Variants in NCKAP5 observed in about 807,000 individuals in gnomAD.
NCKAP5 encodes the protein nck-associated protein 5.
Under a neutral mutation model 167.0 loss-of-function variants are expected in NCKAP5, and 92 were observed. The observed-to-expected ratio is 0.55, with a 90% CI of 0.47 to 0.66. NCKAP5 has a LOEUF of 0.66. NCKAP5 is among the 30% of genes least tolerant of loss of function. The pLI is 0.00. For missense variants in NCKAP5, 2,378 were observed against 2,315.0 expected (o/e 1.03, Z -0.56); for synonymous variants, 891 against 877.4 (o/e 1.02, Z -0.27).
chr2:132,684,223 A>G (rs1000609541), intron 19 of NCKAP5, among the ~76,000 whole-genome samples: 2 of 152,248 alleles, frequency 1.3e-5, no homozygotes, highest in African/African-American at 4.8e-5. Context: ...TCTGCCCTGC[A>G]TGGCTGTGTA....
intron 8 of NCKAP5, chr2:132,930,534 A>T (rs1316452212): frequency 6.6e-6 from 1 of 152,186 alleles, no homozygotes; most frequent in Non-Finnish European, 1.5e-5. Flanking sequence ...CTTCTGCAGA[A>T]AGGCATAGGA....
At chr2:133,188,544 C>G (rs189483921) in intron 5 of NCKAP5, among the ~76,000 whole-genome samples, 75 of 152,218 alleles carry the variant, frequency 4.9e-4, no homozygotes, top group African/African-American at 1.8e-3. Context: ...GTAAAGGACT[C>G]CTCAACAAAT....
Position 133,397,548 on chromosome 2 carries a change from C to A in NCKAP5, c.70-94438G>T, listed in dbSNP as rs191985717. Among the ~76,000 whole-genome samples the A allele has an allele frequency of 2.6e-3, 389 of 152,282 alleles. 1 individual carries two copies. Among genetic ancestry groups the A allele is most frequent in the African/African-American group, 9.0e-3 (372 of 41,560 alleles). On this transcript the variant is annotated intron_variant, in intron 3 of 19. Coordinates refer to ENST00000409261, the MANE Select transcript of NCKAP5 (RefSeq NM_207363.3). ...ACTGTCTACTACCATATGCTTGTTG[C>A]CTCTGTTATCTTTATTCTCAAAACC...
intron 2 of NCKAP5, among the ~76,000 whole-genome samples, chr2:133,552,718 A>G (rs1298333029): frequency 1.4e-5 from 2 of 147,330 alleles, no homozygotes; most frequent in African/African-American, 5.0e-5. Flanking sequence ...CACAATGTGC[A>G]CATGTACCCT....
intron 2 of NCKAP5, among the ~76,000 whole-genome samples, chr2:133,536,335 A>C (rs1685765165): frequency 6.6e-6 from 1 of 152,136 alleles, no homozygotes; most frequent in Non-Finnish European, 1.5e-5. Context: ...GTAGGGGTCC[A>C]GTTTCATTCT....
chr2:133,341,919 T>C (rs1354827683), intron 3 of NCKAP5, among the ~76,000 whole-genome samples: 2 of 152,302 alleles, frequency 1.3e-5, no homozygotes, highest in South Asian at 2.1e-4. Context: ...GACTAATGAA[T>C]AGAATTTTAA....
At chr2:133,353,510 G>A (rs1034787168) in intron 3 of NCKAP5, among the ~76,000 whole-genome samples, 1 of 152,130 alleles carries the variant, frequency 6.6e-6, no homozygotes, top group Non-Finnish European at 1.5e-5. Context: ...GGGTAGAAGA[G>A]GGTGGTTCCC....
chr2:133,282,855 C>G (rs1281532512), intron 4 of NCKAP5, among the ~76,000 whole-genome samples: 2 of 152,150 alleles, frequency 1.3e-5, no homozygotes, highest in Non-Finnish European at 2.9e-5. Context: ...TGGTTCATTC[C>G]TACCAGAATT....
chr2:133,667,211 A>G, the NCKAP5 span, among the ~76,000 whole-genome samples: 747 of 151,930 alleles, frequency 4.9e-3, 6 homozygotes, highest in Non-Finnish European at 8.9e-3. Context: ...TGAAATGAGA[A>G]CATGTTCCAA....
At chr2:133,619,573 TC>T in the NCKAP5 span, among the ~76,000 whole-genome samples, 1 of 151,948 alleles carries the variant, frequency 6.6e-6, no homozygotes. Context: ...GAACAAAGCC[TC>T]CAAGAAGCTT....
intron 5 of NCKAP5, among the ~76,000 whole-genome samples, chr2:133,190,291 A>G (rs577718230): frequency 2.2e-4 from 33 of 152,350 alleles, no homozygotes; most frequent in African/African-American, 7.9e-4. Flanking sequence ...AAACAAATGG[A>G]AGAACATTCC....
intron 19 of NCKAP5, among the ~76,000 whole-genome samples, chr2:132,680,489 T>C (rs887199768): frequency 1.3e-5 from 2 of 151,928 alleles, no homozygotes; most frequent in Non-Finnish European, 2.9e-5. Flanking sequence ...AGGGGGGAAA[T>C]AAACTCACTT....
upstream of NCKAP5, among the ~76,000 whole-genome samples, chr2:133,568,951 C>T (rs1023023850): frequency 3.3e-5 from 5 of 152,152 alleles, no homozygotes; most frequent in African/African-American, 9.7e-5. Flanking sequence ...TCTAGTGTCT[C>T]AGCTTGGAGT....
At chr2:133,598,551 A>G in the NCKAP5 span, among the ~76,000 whole-genome samples, 1 of 152,174 alleles carries the variant, frequency 6.6e-6, no homozygotes, top group African/African-American at 2.4e-5. Context: ...ATGGACAGGA[A>G]ATGGAGCCCA....
chr2:133,517,374 C>T (rs1684088858), intron 3 of NCKAP5, 84 bp downstream of exon 3: 1 of 631,022 alleles, frequency 1.6e-6, no homozygotes, highest in Non-Finnish European at 2.5e-6. Context: ...GTTTCAAAAG[C>T]ACAGCGTTCA....
intron 3 of NCKAP5, among the ~76,000 whole-genome samples, chr2:133,351,335 G>A (rs1684345414): frequency 1.3e-5 from 2 of 152,172 alleles, no homozygotes; most frequent in African/African-American, 2.4e-5. Context: ...GCCCAAGTGT[G>A]AAACTTGGTA....
intron 19 of NCKAP5, among the ~76,000 whole-genome samples, chr2:132,703,498 T>G (rs1428582529): frequency 6.6e-6 from 1 of 152,202 alleles, no homozygotes; most frequent in African/African-American, 2.4e-5. Context: ...AAAGCCAAAT[T>G]CATCCCCAGT....
intron 16 of NCKAP5, among the ~76,000 whole-genome samples, chr2:132,738,757 T>C (rs1691755362): frequency 6.6e-6 from 1 of 151,700 alleles, no homozygotes; most frequent in Non-Finnish European, 1.5e-5. Context: ...TAGCTTTTAC[T>C]CATAATGGAA....
At chr2:133,171,824 A>G (rs1250635035) in intron 5 of NCKAP5, among the ~76,000 whole-genome samples, 1 of 152,204 alleles carries the variant, frequency 6.6e-6, no homozygotes, top group Non-Finnish European at 1.5e-5. Flanking sequence ...AAAGAAATGG[A>G]CTTTAGAGGG....
Sources: allele counts gnomAD v4.1 joint callset (sites outside exome capture counted in the v4.1 genomes callset), GRCh38; gene constraint gnomAD v4.1.1; transcripts MANE v1.5; gene names NCBI Gene and HGNC (gene_info 2026-07-23, HGNC 2026-07-21).